PHF21B: variants seen among roughly 807,000 people sequenced by gnomAD.
PHF21B encodes PHD finger protein 21B.
A neutral mutation model predicts 62.2 loss-of-function variants in PHF21B; 22 were observed. The ratio of observed to expected loss-of-function variants is 0.35; its 90% CI spans 0.25 to 0.51. PHF21B has a LOEUF of 0.51. PHF21B is among the 20% of genes least tolerant of loss of function. The probability of loss-of-function intolerance (pLI) is 0.97; values close to 1 mark genes in which losing one functional copy is unlikely to be tolerated. For missense variants in PHF21B, 701 were observed against 707.9 expected (o/e 0.99, Z 0.11); for synonymous variants, 341 against 314.7 (o/e 1.08, Z -0.88).
At chr22:44,973,485 A>T (rs2072677495) in intron 2 of PHF21B, among the ~76,000 whole-genome samples, 1 of 152,206 alleles carries the variant, frequency 6.6e-6, no homozygotes, top group Non-Finnish European at 1.5e-5. Context: ...AGGCTGCTGG[A>T]GCCAGGAACT....
intron 2 of PHF21B, among the ~76,000 whole-genome samples, chr22:44,936,944 C>T (rs1228418849): frequency 6.7e-6 from 1 of 148,696 alleles, no homozygotes; most frequent in Non-Finnish European, 1.5e-5. Flanking sequence ...GCAATTTCGG[C>T]TTACTGCAAC....
intron 3 of PHF21B, among the ~76,000 whole-genome samples, chr22:44,917,932 T>A (rs1413058172): frequency 6.6e-6 from 1 of 152,222 alleles, no homozygotes; most frequent in Non-Finnish European, 1.5e-5. Flanking sequence ...TCCCCTGCCA[T>A]GCTGGGTCCT....
At chr22:44,986,521 CAAAA>C (rs3063310) in intron 2 of PHF21B, among the ~76,000 whole-genome samples, 11 of 85,826 alleles carry the variant, frequency 1.3e-4, no homozygotes, top group Admixed American at 1.4e-4. Context: ...GATCTTATTT[CAAAA>C]AAAAAAAAAA....
intron 2 of PHF21B, among the ~76,000 whole-genome samples, chr22:44,981,467 C>G (rs946693431): frequency 6.6e-6 from 1 of 152,254 alleles, no homozygotes; most frequent in Admixed American, 6.5e-5. Flanking sequence ...ATGAACCCAG[C>G]ACCTCACCCA....
At chr22:44,966,266 T>G (rs957521568) in intron 2 of PHF21B, among the ~76,000 whole-genome samples, 1 of 152,242 alleles carries the variant, frequency 6.6e-6, no homozygotes, top group African/African-American at 2.4e-5. Flanking sequence ...CGACGAGCCC[T>G]GCTGCTCACT....
chr22:44,963,245 C>A (rs891966782), intron 2 of PHF21B, among the ~76,000 whole-genome samples: 2 of 152,212 alleles, frequency 1.3e-5, no homozygotes, highest in African/African-American at 4.8e-5. Flanking sequence ...GCCCCGAGGG[C>A]AAGACAGCAC....
chr22:44,962,546 C>G (rs2072444200), intron 2 of PHF21B, among the ~76,000 whole-genome samples: 1 of 152,184 alleles, frequency 6.6e-6, no homozygotes, highest in Non-Finnish European at 1.5e-5. Context: ...AGTATGTTTT[C>G]TACTGAACGT....
chr22:44,898,393 G>A (rs2071097051), intron 5 of PHF21B, among the ~76,000 whole-genome samples: 1 of 152,124 alleles, frequency 6.6e-6, no homozygotes, highest in Admixed American at 6.5e-5. Flanking sequence ...ATAGCTGCTG[G>A]TGACCCTGGT....
chr22:44,928,740 T>C (rs1009819992), intron 2 of PHF21B, among the ~76,000 whole-genome samples: 2 of 152,146 alleles, frequency 1.3e-5, no homozygotes, highest in South Asian at 2.1e-4. Context: ...ACCAGGACAA[T>C]TGTCTACAGA....
At chr22:44,893,231 T>A (rs2070997396) in intron 7 of PHF21B, among the ~76,000 whole-genome samples, 1 of 152,110 alleles carries the variant, frequency 6.6e-6, no homozygotes, top group African/African-American at 2.4e-5. Flanking sequence ...GAGCCTCTAT[T>A]AGGAATAAAC....
At chr22:44,934,279 A>T (rs920185255) in intron 2 of PHF21B, among the ~76,000 whole-genome samples, 4 of 152,202 alleles carry the variant, frequency 2.6e-5, no homozygotes, top group Non-Finnish European at 4.4e-5. Flanking sequence ...CGTGGCGGTG[A>T]GGATGTTAGA....
chr22:44,949,546 A>C (rs1308426973), intron 2 of PHF21B, among the ~76,000 whole-genome samples: 2 of 152,102 alleles, frequency 1.3e-5, no homozygotes, highest in Non-Finnish European at 2.9e-5. Context: ...GAGTTTGTTG[A>C]GCAGGTTGAA....
At chr22:44,941,876 ACT>A in intron 2 of PHF21B, among the ~76,000 whole-genome samples, 1 of 152,332 alleles carries the variant, frequency 6.6e-6, no homozygotes, top group East Asian at 1.9e-4. Flanking sequence ...GGGACACAGC[ACT>A]GAGTCAGAAG....
chr22:45,009,660 T>A lies in PHF21B; in HGVS notation c.-111A>T. Reference sequence around the variant, plus strand: ...GGGCGGACGCGGCCTCCGGGCTGGGTTGGGGGGGACACGAGCCCCCTCCCC... The same window carrying A: ...GGGCGGACGCGGCCTCCGGGCTGGGATGGGGGGGACACGAGCCCCCTCCCC... On this transcript the variant is annotated 5_prime_UTR_variant, in exon 1 of 13. Coordinates refer to ENST00000313237, the MANE Select transcript of PHF21B (RefSeq NM_138415.5). This position sits in a 1 kb window ranked among gnomAD's most constrained non-coding sequence, Gnocchi z 5.9. The A allele has an allele frequency of 9.3e-7, 1 of 1,076,480 alleles. No individual in the cohort carries two copies. Among genetic ancestry groups the A allele is most frequent in the Admixed American group, 3.6e-5 (1 of 27,508 alleles). The allele number at this position is 1,076,480 out of a possible 1,614,324, so 66.7% of individuals were successfully genotyped here. A position where few individuals can be genotyped will look rare whatever the true frequency, so the allele number is the denominator to read the frequency against.
chr22:44,888,149 G>C, intron 9 of PHF21B, 28 bp from the exon 10 acceptor site: 1 of 1,485,662 alleles, frequency 6.7e-7, no homozygotes, highest in South Asian at 1.3e-5. Context: ...GCAGGAGACA[G>C]GTCAGCCACA....
At chr22:44,961,845 AAAATAAATAAATAAATAAAT>A (rs142030912) in intron 2 of PHF21B, among the ~76,000 whole-genome samples, 126 of 144,318 alleles carry the variant, frequency 8.7e-4, no homozygotes, top group African/African-American at 2.4e-3. Flanking sequence ...ACTCTGTCTC[AAAATAAATAAATAAATAAAT>A]AAATAAATAA....
intron 5 of PHF21B, among the ~76,000 whole-genome samples, chr22:44,898,194 T>C (rs954160347): frequency 2.0e-5 from 3 of 152,174 alleles, no homozygotes; most frequent in African/African-American, 7.2e-5. Context: ...TCTCAGCTTG[T>C]CTTTTTTTGG....
intron 2 of PHF21B, among the ~76,000 whole-genome samples, chr22:44,982,956 G>A (rs1397793372): frequency 6.6e-6 from 1 of 152,122 alleles, no homozygotes; most frequent in African/African-American, 2.4e-5. Context: ...CAAGATGTAT[G>A]CAAGGGGCCG....
At chr22:44,913,741 C>T (rs1030850797) in intron 5 of PHF21B, 81 bp downstream of exon 5, 21 of 1,489,052 alleles carry the variant, frequency 1.4e-5, no homozygotes, top group Non-Finnish European at 1.8e-5. Context: ...CACAGTGAGG[C>T]CATCCCCGCT....
Sources: gnomAD v4.1 joint callset for allele counts (sites outside exome capture counted in the v4.1 genomes callset) on GRCh38, gnomAD v4.1.1 for gene constraint, Gnocchi (gnomAD v3.1) non-coding constraint, MANE v1.5 for transcripts, NCBI Gene and HGNC (gene_info 2026-07-23, HGNC 2026-07-21) for gene names.